KLF8: variants seen among roughly 807,000 people sequenced by gnomAD.
KLF8 encodes KLF transcription factor 8.
Under a neutral mutation model 18.2 loss-of-function variants are expected in KLF8, and 10 were observed. The observed-to-expected ratio is 0.55, with a 90% CI of 0.34 to 0.93. The LOEUF (loss-of-function observed/expected upper bound fraction) is 0.93, where lower values mean the gene tolerates loss of function less well. KLF8 is among the 40% of genes least tolerant of loss of function. The probability of loss-of-function intolerance (pLI) is 0.02; values close to 1 mark genes in which losing one functional copy is unlikely to be tolerated. For synonymous variants in KLF8, 109 were observed against 97.3 expected, an observed-to-expected ratio of 1.12 and a Z score of -0.71; for missense variants, 264 against 277.9, an observed-to-expected ratio of 0.95 and a Z score of 0.36.
chrX:55,936,593 G>A, the KLF8 span, among the ~76,000 whole-genome samples: 1 of 112,937 alleles, frequency 8.9e-6, no homozygotes, highest in East Asian at 2.8e-4. Flanking sequence ...CCTCACGCAG[G>A]AAACGCAAGG....
At chrX:56,268,003 G>A (rs1003496615) in intron 3 of KLF8, 1 of 109,817 alleles carries the variant, frequency 9.1e-6, no homozygotes, top group African/African-American at 3.3e-5. Flanking sequence ...TACTCTACTT[G>A]CATGAGATTA....
the KLF8 span, among the ~76,000 whole-genome samples, chrX:56,121,988 T>A: frequency 1.8e-5 from 2 of 111,798 alleles, no homozygotes; most frequent in Non-Finnish European, 3.8e-5. Context: ...ATGTTTTGAG[T>A]AAAATTTCAT....
the KLF8 span, among the ~76,000 whole-genome samples, chrX:55,955,851 G>A: frequency 1.8e-5 from 2 of 111,748 alleles, no homozygotes; most frequent in Non-Finnish European, 3.8e-5. Context: ...AGGAGCTTTA[G>A]AACGTAAATC....
chrX:55,931,997 A>T, the KLF8 span, among the ~76,000 whole-genome samples: 1 of 110,139 alleles, frequency 9.1e-6, no homozygotes, highest in Admixed American at 9.6e-5. Context: ...ATTGTGTGGG[A>T]GTCTAAGTCT....
the KLF8 span, among the ~76,000 whole-genome samples, chrX:56,136,498 T>C: frequency 3.6e-5 from 4 of 111,640 alleles, 1 homozygote; most frequent in Admixed American, 9.5e-5. Flanking sequence ...AAACAAGCAA[T>C]GGGGAAAGGA....
the KLF8 span, among the ~76,000 whole-genome samples, chrX:55,951,821 A>G: frequency 9.0e-6 from 1 of 110,956 alleles, no homozygotes; most frequent in African/African-American, 3.3e-5. Flanking sequence ...AAATAGTGAT[A>G]ACTGGGTCCC....
At chrX:56,114,967 A>G in the KLF8 span, among the ~76,000 whole-genome samples, 15 of 112,479 alleles carry the variant, frequency 1.3e-4, no homozygotes, top group Non-Finnish European at 2.8e-4. Flanking sequence ...TCTCATCTAT[A>G]AAATGAAAAA....
chrX:55,982,149 TAAAG>T, the KLF8 span, among the ~76,000 whole-genome samples: 1 of 111,441 alleles, frequency 9.0e-6, no homozygotes, highest in Non-Finnish European at 1.9e-5. Flanking sequence ...TCTCCAGGAA[TAAAG>T]AATGTGCATT....
chrX:56,075,313 T>A, the KLF8 span, among the ~76,000 whole-genome samples: 1 of 111,699 alleles, frequency 9.0e-6, no homozygotes, highest in Non-Finnish European at 1.9e-5. Context: ...ATGTCAAACT[T>A]GTACTTTGTA....
the KLF8 span, among the ~76,000 whole-genome samples, chrX:55,983,381 C>A: frequency 9.0e-6 from 1 of 111,285 alleles, no homozygotes; most frequent in African/African-American, 3.3e-5. Context: ...TGTTTCTAAG[C>A]TACTCCACAT....
chrX:55,918,057 G>A, the KLF8 span, among the ~76,000 whole-genome samples: 3 of 111,794 alleles, frequency 2.7e-5, no homozygotes, highest in Non-Finnish European at 3.8e-5. Context: ...GTATTATTTA[G>A]TAATTCAACT....
the KLF8 span, among the ~76,000 whole-genome samples, chrX:56,201,640 CAG>C: frequency 2.7e-5 from 3 of 111,404 alleles, no homozygotes; most frequent in East Asian, 8.4e-4. Context: ...GTGAAGAAGA[CAG>C]AAGGAAACTT....
At chrX:55,973,969 A>G in the KLF8 span, among the ~76,000 whole-genome samples, 1 of 112,065 alleles carries the variant, frequency 8.9e-6, no homozygotes, top group Admixed American at 9.4e-5. Flanking sequence ...TAAATAAAAT[A>G]TGGTACATAT....
chrX:55,920,287 A>G, the KLF8 span, among the ~76,000 whole-genome samples: 1 of 111,710 alleles, frequency 9.0e-6, no homozygotes, highest in Non-Finnish European at 1.9e-5. Flanking sequence ...TGAATTCCAG[A>G]TCTTCCCTCT....
rs765607510 is a variant in KLF8, at chrX:56,250,273, C to T, written c.50C>T (p.Ser17Leu). Residue 17 changes from serine to leucine, a missense_variant, in exon 2 of 6, where the codon TCA becomes TTA. By Grantham distance (145) the Ser-to-Leu change is moderately radical. Around this residue, in one of 2 missense-constraint regions of KLF8, gnomAD observed 221 missense variants for 193.6 expected, o/e 1.14. Coordinates refer to ENST00000468660, the MANE Select transcript of KLF8 (RefSeq NM_007250.5). Reference protein sequence around the residue: ...LINNLEVQLNSEGGSMQVFKQ... With the variant: ...LINNLEVQLNLEGGSMQVFKQ... ...AACAACTTGGAGGTCCAACTTAATT[C>T]AGAAGGTGGCTCAATGCAGGTATTC... The T allele has an allele frequency of 2.2e-5, 27 of 1,206,138 alleles. No homozygotes were observed. The Admixed American group carries it at 5.9e-4, about 26-fold the overall frequency.
chrX:56,127,805 A>C, the KLF8 span, among the ~76,000 whole-genome samples: 1 of 112,579 alleles, frequency 8.9e-6, no homozygotes, highest in South Asian at 3.7e-4. Context: ...TATTTCATGG[A>C]ACCTTGCTAA....
At chrX:55,991,177 G>C in the KLF8 span, among the ~76,000 whole-genome samples, 3 of 112,120 alleles carry the variant, frequency 2.7e-5, no homozygotes, top group African/African-American at 9.7e-5. Context: ...TGGCCACTTT[G>C]TTTATACCTA....
chrX:56,105,406 G>C, the KLF8 span, among the ~76,000 whole-genome samples: 1 of 111,500 alleles, frequency 9.0e-6, no homozygotes, highest in Non-Finnish European at 1.9e-5. Flanking sequence ...TGCTGTATTG[G>C]GTACAAATAT....
At chrX:56,281,239 G>A (rs2147696685) in intron 5 of KLF8, among the ~76,000 whole-genome samples, 1 of 111,117 alleles carries the variant, frequency 9.0e-6, no homozygotes, top group South Asian at 3.8e-4. Flanking sequence ...TTGTAAGGAT[G>A]TTCCATGCTC....
Sources: allele counts gnomAD v4.1 joint callset (sites outside exome capture counted in the v4.1 genomes callset), GRCh38; gene constraint gnomAD v4.1.1; regional missense constraint gnomAD v4.1.1; transcripts MANE v1.5; gene names NCBI Gene and HGNC (gene_info 2026-07-23, HGNC 2026-07-21).